RTN4: variants seen among roughly 807,000 people sequenced by gnomAD.
The protein encoded by RTN4 is reticulon-4.
A neutral mutation model predicts 90.4 loss-of-function variants in RTN4; 32 were observed. That is an observed-to-expected ratio of 0.35 (90% CI 0.27 to 0.48). The LOEUF is 0.48. Ranked by LOEUF, RTN4 falls within the 20% of genes least tolerant of loss-of-function variation. The pLI is 0.99. For missense variants in RTN4, 1,706 were observed against 1,430.2 expected, an observed-to-expected ratio of 1.19 and a Z score of -3.11; for synonymous variants, 629 against 552.5, an observed-to-expected ratio of 1.14 and a Z score of -1.94.
intron 1 of RTN4, among the ~76,000 whole-genome samples, chr2:55,043,131 T>C (rs558432668): frequency 2.6e-4 from 39 of 152,340 alleles, no homozygotes; most frequent in African/African-American, 9.1e-4. Flanking sequence ...TGCATACCTA[T>C]GTCCTGCACT....
chr2:55,028,035 C>A, intron 2 of RTN4, 129 bp downstream of exon 2: 1 of 753,610 alleles, frequency 1.3e-6, no homozygotes, highest in Non-Finnish European at 2.0e-6. Flanking sequence ...TTCAACTTTT[C>A]CAGTAGACAA....
intron 5 of RTN4, among the ~76,000 whole-genome samples, chr2:54,976,201 A>C (rs1431286815): frequency 6.6e-6 from 1 of 152,240 alleles, no homozygotes; most frequent in Admixed American, 6.5e-5. Flanking sequence ...AGTAACAAAC[A>C]CAAGCTAAAA....
intron 5 of RTN4, among the ~76,000 whole-genome samples, chr2:54,978,036 G>GC (rs1677787770): frequency 6.6e-6 from 1 of 152,092 alleles, no homozygotes; most frequent in African/African-American, 2.4e-5. Flanking sequence ...CTCCTTCACT[G>GC]CCCCCGCCAA....
intron 1 of RTN4, among the ~76,000 whole-genome samples, chr2:55,087,893 T>C (rs1668872880): frequency 6.6e-6 from 1 of 152,206 alleles, no homozygotes; most frequent in Non-Finnish European, 1.5e-5. Context: ...TGTAATATCC[T>C]AATAACTTTC....
intron 3 of RTN4, among the ~76,000 whole-genome samples, chr2:55,019,803 G>A (rs1681297869): frequency 6.6e-6 from 1 of 152,126 alleles, no homozygotes; most frequent in African/African-American, 2.4e-5. Context: ...CAGATGACAT[G>A]ATCTTATATA....
At chr2:55,115,065 A>G (rs1003747971), upstream of RTN4, among the ~76,000 whole-genome samples, 3 of 152,016 alleles carry the variant, frequency 2.0e-5, no homozygotes, top group Admixed American at 6.5e-5. Flanking sequence ...GATTTTCCAA[A>G]TCATATTCTT....
intron 1 of RTN4, 79 bp downstream of exon 1, chr2:55,049,666 A>G: frequency 6.6e-7 from 1 of 1,521,968 alleles, no homozygotes; most frequent in Non-Finnish European, 8.8e-7. Flanking sequence ...AGGAGGGACC[A>G]GCCCAAAGCA....
chr2:55,120,585 G>C, the RTN4 span, among the ~76,000 whole-genome samples: 1 of 152,064 alleles, frequency 6.6e-6, no homozygotes, highest in African/African-American at 2.4e-5. Flanking sequence ...GTTTGAGATG[G>C]TTTAAATAAA....
intron 5 of RTN4, among the ~76,000 whole-genome samples, chr2:54,977,391 T>A (rs1377463056): frequency 1.4e-5 from 2 of 141,294 alleles, no homozygotes; most frequent in African/African-American, 5.4e-5. Context: ...GTCAGCTATT[T>A]CTGGAGCTCA....
chr2:55,093,404 T>TA (rs1553452445), intron 1 of RTN4, among the ~76,000 whole-genome samples: 66 of 147,278 alleles, frequency 4.5e-4, no homozygotes, highest in African/African-American at 1.4e-3. Flanking sequence ...TTAATTTATT[T>TA]TATATATATA....
chr2:55,040,291 T>A (rs994855713), intron 1 of RTN4, among the ~76,000 whole-genome samples: 2 of 152,178 alleles, frequency 1.3e-5, no homozygotes, highest in African/African-American at 2.4e-5. Context: ...AACAATGATG[T>A]TGATGAATTG....
At chr2:55,068,992 G>A (rs1190109907) in intron 2 of RTN4, among the ~76,000 whole-genome samples, 2 of 152,212 alleles carry the variant, frequency 1.3e-5, no homozygotes, top group East Asian at 1.9e-4. Context: ...CCCAAAGTTC[G>A]CATCACCATT....
rs192809184 is a variant in RTN4, at chr2:55,037,961, T to C, written c.557-9741A>G. On this transcript the variant is annotated intron_variant, in intron 1 of 8. Coordinates refer to ENST00000337526, the MANE Select transcript of RTN4 (RefSeq NM_020532.5). ...ACAAATCAGTAGAACAAAATAGATA[T>C]ATATAAATAGACACACTTCATATGG... is the stretch of plus-strand genomic sequence containing the variant. Among the ~76,000 whole-genome samples, 599 of 152,204 alleles carry C rather than the reference T, an allele frequency of 3.9e-3. 7 individuals are homozygous for C. Among genetic ancestry groups the C allele is most frequent in the African/African-American group, 0.014 (572 of 41,512 alleles).
chr2:55,077,212 AC>A (rs1668618900), intron 2 of RTN4, among the ~76,000 whole-genome samples: 1 of 151,798 alleles, frequency 6.6e-6, no homozygotes, highest in African/African-American at 2.4e-5. Context: ...ACGGGGTTTC[AC>A]CGTGTTAGCC....
chr2:55,129,188 C>G, the RTN4 span, among the ~76,000 whole-genome samples: 3 of 150,784 alleles, frequency 2.0e-5, no homozygotes, highest in African/African-American at 4.9e-5. Context: ...AGCAGAAATA[C>G]AAATGGCCAA....
chr2:55,099,006 G>C (rs1005594097), intron 1 of RTN4, among the ~76,000 whole-genome samples: 7 of 152,068 alleles, frequency 4.6e-5, no homozygotes, highest in Non-Finnish European at 8.8e-5. Flanking sequence ...CGTACTGTTT[G>C]GTTGTCTGTA....
chr2:55,077,850 G>C (rs1020507985), intron 2 of RTN4, among the ~76,000 whole-genome samples: 1 of 151,536 alleles, frequency 6.6e-6, no homozygotes, highest in South Asian at 2.1e-4. Flanking sequence ...GGCATTTGCA[G>C]GAGCCTGGAC....
chr2:54,973,431 T>G, intron 8 of RTN4, 132 bp downstream of exon 8: 1 of 794,350 alleles, frequency 1.3e-6, no homozygotes. Flanking sequence ...AAACAATCTT[T>G]TGGCAACTCT....
At chr2:55,062,718 G>A (rs1188873378) in intron 2 of RTN4, among the ~76,000 whole-genome samples, 2 of 152,168 alleles carry the variant, frequency 1.3e-5, no homozygotes, top group African/African-American at 4.8e-5. Flanking sequence ...TTCTTTCATG[G>A]ACAGAAGTAA....
Sources: gnomAD v4.1 joint callset for allele counts (sites outside exome capture counted in the v4.1 genomes callset) on GRCh38, gnomAD v4.1.1 for gene constraint, MANE v1.5 for transcripts, NCBI Gene and HGNC (gene_info 2026-07-23, HGNC 2026-07-21) for gene names.